The following PDE1C variants were observed in gnomAD, a reference collection of about 807,000 sequenced individuals.
PDE1C encodes phosphodiesterase 1C, also known as dual specificity calcium/calmodulin-dependent 3',5'-cyclic nucleotide phosphodiesterase 1C.
Under a neutral mutation model 93.1 loss-of-function variants are expected in PDE1C, and 62 were observed. The ratio of observed to expected loss-of-function variants is 0.67; its 90% CI spans 0.54 to 0.82. PDE1C has a LOEUF of 0.82. Ranked by LOEUF, PDE1C falls within the 40% of genes least tolerant of loss-of-function variation. The probability of loss-of-function intolerance (pLI) is 0.00; values close to 1 mark genes in which losing one functional copy is unlikely to be tolerated. For missense variants in PDE1C, 742 were observed against 884.6 expected (o/e 0.84, Z 2.04); for synonymous variants, 325 against 310.1 (o/e 1.05, Z -0.50).
chr7:31,767,569 C>T (rs866705332), intron 17 of PDE1C, among the ~76,000 whole-genome samples: 1 of 152,186 alleles, frequency 6.6e-6, no homozygotes, highest in South Asian at 2.1e-4. Flanking sequence ...GCCAATTAAA[C>T]CTCTTTTCTT....
intron 2 of PDE1C, among the ~76,000 whole-genome samples, chr7:32,018,347 C>A (rs990500066): frequency 1.4e-4 from 22 of 151,936 alleles, no homozygotes; most frequent in Non-Finnish European, 2.9e-5. Flanking sequence ...TAAAAACATA[C>A]GTCTACCCAA....
chr7:32,184,124 C>T lies in PDE1C; in HGVS notation c.137-14168G>A, dbSNP rs528067906. The stretch of plus-strand genomic sequence containing the variant: ...TACCATCTCACACCAGTTAGAATGG[C>T]GATCATTAAAAAGTCAGGAAACAAC... On this transcript the variant is annotated intron_variant, in intron 2 of 18. Coordinates refer to the PDE1C transcript ENST00000396193. Among the ~76,000 whole-genome samples the T allele has an allele frequency of 5.2e-3, 786 of 152,236 alleles. 5 individuals are homozygous for T. The highest frequency in any genetic ancestry group is 7.5e-3 in the Non-Finnish European group (511 of 68,028).
intron 11 of PDE1C, among the ~76,000 whole-genome samples, chr7:31,835,553 T>C (rs74650487): frequency 0.079 from 11,924 of 150,880 alleles, 548 homozygotes; most frequent in East Asian, 0.2. Context: ...TGTGTGTGTG[T>C]GTGCGTGCAT....
At chr7:32,053,110 A>G (rs1241539703) in intron 1 of PDE1C, among the ~76,000 whole-genome samples, 2 of 152,216 alleles carry the variant, frequency 1.3e-5, no homozygotes, top group Non-Finnish European at 2.9e-5. Flanking sequence ...TCTATGTTCC[A>G]GTCTTGGCTC....
intron 1 of PDE1C, among the ~76,000 whole-genome samples, chr7:32,357,730 A>G (rs1024917105): frequency 1.3e-5 from 2 of 152,170 alleles, no homozygotes; most frequent in African/African-American, 2.4e-5. Context: ...CTATAGTGCC[A>G]TCTGGTGAGT....
intron 3 of PDE1C, among the ~76,000 whole-genome samples, chr7:32,101,270 C>T (rs1417378161): frequency 2.0e-5 from 3 of 152,112 alleles, no homozygotes; most frequent in Admixed American, 1.3e-4. Context: ...TGGGTAATAC[C>T]GGATACCCAA....
intron 2 of PDE1C, among the ~76,000 whole-genome samples, chr7:31,950,993 G>A (rs1405926270): frequency 6.6e-6 from 1 of 152,098 alleles, no homozygotes; most frequent in Non-Finnish European, 1.5e-5. Flanking sequence ...AGGCATTTCT[G>A]GGTTGAGTTT....
chr7:32,168,860 A>G lies in PDE1C; in HGVS notation c.308+925T>C, dbSNP rs184236800. ...CAATTACACATATCACCTGGATACA[A>G]AAGAGAGTATATTTTTCAAATATAT... On this transcript the variant is annotated intron_variant, in intron 3 of 18. Coordinates refer to the PDE1C transcript ENST00000396193. 6.2e-4 allele frequency among the ~76,000 whole-genome samples: 94 copies of G among 152,328 alleles called. 2 individuals carry two copies. Among genetic ancestry groups the G allele is most frequent in the Admixed American group, 2.5e-3 (38 of 15,296 alleles).
chr7:31,675,094 AG>A, the PDE1C span, among the ~76,000 whole-genome samples: 1 of 152,152 alleles, frequency 6.6e-6, no homozygotes, highest in Non-Finnish European at 1.5e-5. Flanking sequence ...TGAGTGGTGG[AG>A]GGGGCAGGTG....
chr7:31,860,076 T>C (rs1794499117), intron 7 of PDE1C, among the ~76,000 whole-genome samples: 2 of 152,184 alleles, frequency 1.3e-5, no homozygotes, highest in Admixed American at 6.5e-5. Context: ...GGTATGTATA[T>C]TTTTCCTTAT....
At chr7:32,163,914 T>A (rs1446615523) in intron 3 of PDE1C, among the ~76,000 whole-genome samples, 2 of 152,158 alleles carry the variant, frequency 1.3e-5, no homozygotes, top group Non-Finnish European at 2.9e-5. Flanking sequence ...GAGAAAGAAT[T>A]AGAGGCTGTC....
intron 2 of PDE1C, among the ~76,000 whole-genome samples, chr7:32,036,770 A>G (rs1337470924): frequency 6.6e-6 from 1 of 152,174 alleles, no homozygotes; most frequent in Non-Finnish European, 1.5e-5. Flanking sequence ...GAAACTCTGA[A>G]TATCCCTATA....
chr7:31,794,041 T>C (rs7793388), intron 16 of PDE1C, among the ~76,000 whole-genome samples: 30,552 of 85,502 alleles, frequency 0.36, 5,138 homozygotes, highest in Middle Eastern at 0.47. Flanking sequence ...GATAGATAGA[T>C]AGACAGACAG....
At chr7:32,340,155 T>C (rs1783721004) in intron 1 of PDE1C, among the ~76,000 whole-genome samples, 1 of 152,050 alleles carries the variant, frequency 6.6e-6, no homozygotes, top group Non-Finnish European at 1.5e-5. Context: ...GTTGGAACTA[T>C]AGGAGGGGAT....
intron 2 of PDE1C, among the ~76,000 whole-genome samples, chr7:32,173,372 T>A (rs1802775325): frequency 6.6e-6 from 1 of 151,662 alleles, no homozygotes; most frequent in Non-Finnish European, 1.5e-5. Context: ...GGGGTGGGGT[T>A]TAGGGGAGGG....
At chr7:32,059,646 C>A (rs1794561985) in intron 1 of PDE1C, among the ~76,000 whole-genome samples, 1 of 152,170 alleles carries the variant, frequency 6.6e-6, no homozygotes, top group Admixed American at 6.5e-5. Context: ...CTAAATGGGA[C>A]CCCTCCCCAA....
At chr7:32,141,100 T>C (rs1399409042) in intron 3 of PDE1C, among the ~76,000 whole-genome samples, 1 of 152,226 alleles carries the variant, frequency 6.6e-6, no homozygotes, top group African/African-American at 2.4e-5. Flanking sequence ...GAATAGGATG[T>C]TCCAAAATAA....
chr7:32,329,168 G>A (rs999733734), intron 1 of PDE1C, among the ~76,000 whole-genome samples: 1 of 152,180 alleles, frequency 6.6e-6, no homozygotes, highest in Non-Finnish European at 1.5e-5. Flanking sequence ...GGAAGTCAAG[G>A]CTGCAGTAAG....
intron 12 of PDE1C, among the ~76,000 whole-genome samples, chr7:31,827,538 T>C (rs1267282773): frequency 6.6e-6 from 1 of 152,144 alleles, no homozygotes; most frequent in African/African-American, 2.4e-5. Flanking sequence ...TTTGTTCCTA[T>C]AACATCTATT....
Sources: allele counts gnomAD v4.1 joint callset (sites outside exome capture counted in the v4.1 genomes callset), GRCh38; gene constraint gnomAD v4.1.1; transcripts MANE v1.5; gene names NCBI Gene and HGNC (gene_info 2026-07-23, HGNC 2026-07-21).